Variants in CHST9 observed in about 807,000 individuals in gnomAD.
The protein encoded by CHST9 is GalNAc-4-sulfotransferase 2.
Under a neutral mutation model 44.4 loss-of-function variants are expected in CHST9, and 41 were observed. The observed-to-expected ratio is 0.92, with a 90% CI of 0.72 to 1.20. The LOEUF (loss-of-function observed/expected upper bound fraction) is 1.20, where lower values mean the gene tolerates loss of function less well. Ranked by LOEUF, CHST9 falls within the 50% of genes most tolerant of loss-of-function variation. The pLI, the probability that CHST9 is intolerant of heterozygous loss-of-function variation, is 0.00. For synonymous variants in CHST9, 171 were observed against 178.4 expected, an observed-to-expected ratio of 0.96 and a Z score of 0.33; for missense variants, 504 against 516.5, an observed-to-expected ratio of 0.98 and a Z score of 0.23.
chr18:27,159,466 A>G lies in CHST9; in HGVS notation c.-96-16561T>C, dbSNP rs530624903. On this transcript the variant is annotated intron_variant, in intron 1 of 5. Coordinates refer to ENST00000618847, the MANE Select transcript of CHST9 (RefSeq NM_031422.6). ...GGGATCTGTTCTGTTCCATTGGTCT[A>G]TATCTCTGTTTTGGTACCAGTACCA... Among the ~76,000 whole-genome samples the G allele has an allele frequency of 7.9e-3, 1,206 of 152,206 alleles. 19 individuals are homozygous for G. The highest frequency in any genetic ancestry group is 0.028 in the African/African-American group (1,147 of 41,530).
At chr18:27,038,430 CA>C (rs2057411912) in intron 3 of CHST9, among the ~76,000 whole-genome samples, 2 of 152,030 alleles carry the variant, frequency 1.3e-5, no homozygotes, top group South Asian at 4.1e-4. Flanking sequence ...CCTGTAATCC[CA>C]GCTGCTTGGG....
chr18:27,015,708 A>G (rs942975744), intron 4 of CHST9, among the ~76,000 whole-genome samples: 2 of 152,164 alleles, frequency 1.3e-5, no homozygotes, highest in African/African-American at 4.8e-5. Flanking sequence ...GATTCCACAC[A>G]TGGTTTCAGG....
intron 4 of CHST9, among the ~76,000 whole-genome samples, chr18:26,951,905 T>C (rs983996254): frequency 6.6e-6 from 1 of 152,178 alleles, no homozygotes; most frequent in Non-Finnish European, 1.5e-5. Context: ...GAGGAAGATC[T>C]TGGTGAAGTG....
chr18:26,951,908 G>A (rs2056252960), intron 4 of CHST9, among the ~76,000 whole-genome samples: 1 of 152,172 alleles, frequency 6.6e-6, no homozygotes, highest in African/African-American at 2.4e-5. Context: ...GAAGATCTTG[G>A]TGAAGTGCAT....
At chr18:27,095,850 C>A (rs374487549) in intron 2 of CHST9, among the ~76,000 whole-genome samples, 4 of 152,150 alleles carry the variant, frequency 2.6e-5, no homozygotes, top group South Asian at 4.2e-4. Context: ...GACTTCAATA[C>A]CCCACTAACA....
intron 4 of CHST9, among the ~76,000 whole-genome samples, chr18:26,995,497 T>C (rs1033532790): frequency 2.6e-4 from 40 of 151,656 alleles, no homozygotes; most frequent in Admixed American, 1.4e-3. Context: ...GGTAAAACTT[T>C]CTAGCTAAGC....
In CHST9 at chr18:26,995,425, G is replaced by A. The variant is rs1475905647; in HGVS notation, c.202+28691C>T. Reference sequence around the variant, plus strand: ...TACACTGCAACCCGGGTGACAGAGCGAGACTCCGTCTCAAAAAAAAAAAAA... The same window carrying A: ...TACACTGCAACCCGGGTGACAGAGCAAGACTCCGTCTCAAAAAAAAAAAAA... On this transcript the variant is annotated intron_variant, in intron 4 of 5. Coordinates refer to ENST00000618847, the MANE Select transcript of CHST9 (RefSeq NM_031422.6). Among the ~76,000 whole-genome samples, 7 of 131,036 alleles carry A rather than the reference G, an allele frequency of 5.3e-5. No homozygotes were observed. The East Asian group carries it at 6.7e-4, about 13-fold the overall frequency. The allele number at this position is 131,036 out of a possible 152,430, so 86.0% of individuals were successfully genotyped here.
intron 1 of CHST9, among the ~76,000 whole-genome samples, chr18:27,156,860 A>C (rs777781083): frequency 6.6e-6 from 1 of 152,170 alleles, no homozygotes; most frequent in African/African-American, 2.4e-5. Context: ...GCAACAAATT[A>C]TTGTGACAAA....
rs148714895 is a variant in CHST9 at position 27,133,111 on chromosome 18, G to A, written c.121+9578C>T. On this transcript the variant is annotated intron_variant, in intron 2 of 5. Transcript: ENST00000618847. The stretch of plus-strand genomic sequence containing the variant: ...TGTGCTCATCATGTGTGGTACACTA[G>A]GAATAACAGGTCTAGCATTGGCCAG... 4.9e-3 allele frequency among the ~76,000 whole-genome samples: 742 copies of A among 152,270 alleles called. 7 individuals are homozygous for A. Among genetic ancestry groups the A allele is most frequent in the African/African-American group, 0.017 (719 of 41,562 alleles).
chr18:27,131,105 A>G (rs544285776), intron 2 of CHST9, among the ~76,000 whole-genome samples: 3 of 152,224 alleles, frequency 2.0e-5, no homozygotes, highest in Non-Finnish European at 2.9e-5. Context: ...TTTCACTACA[A>G]ACTACTAACT....
intron 4 of CHST9, among the ~76,000 whole-genome samples, chr18:27,006,020 T>A (rs1337861310): frequency 6.6e-6 from 1 of 152,176 alleles, no homozygotes; most frequent in African/African-American, 2.4e-5. Flanking sequence ...ATTCAGAATT[T>A]TTAGCTTCAA....
chr18:27,003,593 T>A (rs2056978744), intron 4 of CHST9, among the ~76,000 whole-genome samples: 1 of 152,160 alleles, frequency 6.6e-6, no homozygotes, highest in Non-Finnish European at 1.5e-5. Flanking sequence ...GGTCTTCCAT[T>A]TCTCCTATAA....
intron 2 of CHST9, among the ~76,000 whole-genome samples, chr18:27,124,993 G>A (rs2058407959): frequency 6.6e-6 from 1 of 152,186 alleles, no homozygotes; most frequent in Admixed American, 6.5e-5. Flanking sequence ...TTTATTGAGT[G>A]TATGAAAGCT....
chr18:27,162,242 G>A (rs2058753364), intron 1 of CHST9, among the ~76,000 whole-genome samples: 2 of 152,180 alleles, frequency 1.3e-5, no homozygotes. Flanking sequence ...TGCAGTGGCT[G>A]CTACTGGTTG....
At chr18:27,116,188 C>CA (rs1309825745) in intron 2 of CHST9, among the ~76,000 whole-genome samples, 1 of 152,032 alleles carries the variant, frequency 6.6e-6, no homozygotes, top group Non-Finnish European at 1.5e-5. Flanking sequence ...ATTTTGGTGT[C>CA]AGAGTTAAGG....
In CHST9 at chr18:27,019,068, G is replaced by C. The variant is rs886076670; in HGVS notation, c.202+5048C>G. On this transcript the variant is annotated intron_variant, in intron 4 of 5. Coordinates refer to ENST00000618847, the MANE Select transcript of CHST9 (RefSeq NM_031422.6). ...GGGCTGGAGTCTTGACCTATGTTTG[G>C]GAACTGTATCTCCGCAATCTGCAGT... Among the ~76,000 whole-genome samples, 4 of 152,164 alleles carry C rather than the reference G, an allele frequency of 2.6e-5. 1 individual carries two copies. The East Asian group carries it at 7.7e-4, about 29-fold the overall frequency.
chr18:27,062,283 G>T (rs1374744641), intron 2 of CHST9, among the ~76,000 whole-genome samples: 1 of 151,986 alleles, frequency 6.6e-6, no homozygotes, highest in East Asian at 1.9e-4. Context: ...TTTACATTAG[G>T]TATATCTCCT....
chr18:26,961,356 T>C (rs2056397281), intron 4 of CHST9, among the ~76,000 whole-genome samples: 1 of 152,232 alleles, frequency 6.6e-6, no homozygotes, highest in Admixed American at 6.5e-5. Context: ...AGATATACTT[T>C]AGCACTTTGT....
At chr18:27,112,956 G>A (rs1379093869) in intron 2 of CHST9, among the ~76,000 whole-genome samples, 1 of 151,996 alleles carries the variant, frequency 6.6e-6, no homozygotes, top group Non-Finnish European at 1.5e-5. Context: ...TTGAGAGGCC[G>A]AGGCCGGTGG....
Sources: gnomAD v4.1 joint callset for allele counts (sites outside exome capture counted in the v4.1 genomes callset) on GRCh38, gnomAD v4.1.1 for gene constraint, MANE v1.5 for transcripts, NCBI Gene and HGNC (gene_info 2026-07-23, HGNC 2026-07-21) for gene names.